The following ZNF714 variants were observed in gnomAD, a reference collection of about 807,000 sequenced individuals.
The protein encoded by ZNF714 is zinc finger protein 714.
In ZNF714, 32 loss-of-function variants were observed where a neutral mutation model predicts 46.2. The observed-to-expected ratio is 0.69, with a 90% CI of 0.52 to 0.93. ZNF714 has a LOEUF of 0.93. Ranked by LOEUF, ZNF714 falls within the 40% of genes least tolerant of loss-of-function variation. The pLI is 0.00. For synonymous variants in ZNF714, 199 were observed against 213.1 expected (o/e 0.93, Z 0.58); for missense variants, 635 against 646.3 (o/e 0.98, Z 0.19).
At chr19:21,082,968 G>T (rs1436946442) in intron 1 of ZNF714, among the ~76,000 whole-genome samples, 3 of 152,060 alleles carry the variant, frequency 2.0e-5, no homozygotes, top group African/African-American at 7.2e-5. Flanking sequence ...ATGTTAATTG[G>T]CAGTTTATAG....
intron 2 of ZNF714, 117 bp downstream of exon 2, chr19:21,084,186 G>GA (rs1353245062): frequency 7.2e-4 from 196 of 272,898 alleles, no homozygotes; most frequent in African/African-American, 1.2e-3. Flanking sequence ...GTGTTAAAAA[G>GA]AAAAAAAAAT....
chr19:21,089,716 A>G (rs541625509), intron 2 of ZNF714, among the ~76,000 whole-genome samples: 5 of 152,232 alleles, frequency 3.3e-5, no homozygotes, highest in Non-Finnish European at 5.9e-5. Context: ...TCTTAATGAC[A>G]GAACCATACA....
chr19:21,082,381 G>T, intron 1 of ZNF714, 33 bp downstream of exon 1: 2 of 1,456,306 alleles, frequency 1.4e-6, no homozygotes, highest in Non-Finnish European at 1.9e-6. Flanking sequence ...CCCGAGAGAG[G>T]GGAAGGGGCG....
chr19:21,107,269 C>T (rs183139858), intron 4 of ZNF714, among the ~76,000 whole-genome samples: 2 of 149,450 alleles, frequency 1.3e-5, no homozygotes, highest in African/African-American at 2.5e-5. Context: ...GACGGAATTT[C>T]GCTCTTGTTG....
intron 4 of ZNF714, among the ~76,000 whole-genome samples, chr19:21,115,615 T>C (rs190517852): frequency 2.9e-4 from 44 of 152,108 alleles, no homozygotes; most frequent in African/African-American, 9.9e-4. Context: ...TTGTTGACAG[T>C]TCACTGACTA....
rs746423571 is a variant in ZNF714, at chr19:21,117,363, AT to A, written c.700del (p.Cys234ValfsTer16). ...TGEKPYRCEECGKAFYHSSHL... is the reference protein window; with the variant it reads ...TGEKPYRCEEXGKAFYHSSHL... ...GAGAGAAACCCTACAGATGTGAAGA[AT>A]GTGGCAAAGCCTTCTACCATTCTTC... On this transcript the variant is annotated frameshift_variant, in exon 5 of 5. Coordinates refer to ENST00000456283, the MANE Select transcript of ZNF714 (RefSeq NM_182515.4). LOFTEE classifies it high-confidence loss of function. 3.1e-6 allele frequency: 5 copies of A among 1,613,076 alleles called. No individual in the cohort carries two copies. In the East Asian group the frequency reaches 1.1e-4, roughly 36 times the overall value.
chr19:21,085,839 C>T (rs911475424), intron 2 of ZNF714, among the ~76,000 whole-genome samples: 3 of 148,460 alleles, frequency 2.0e-5, no homozygotes, highest in African/African-American at 7.5e-5. Context: ...TGTTTTGAGG[C>T]AGTTTCTAGG....
In ZNF714 at chr19:21,117,597, AT is replaced by A; in HGVS notation, c.934del (p.Ser312LeufsTer50). On this transcript the variant is annotated frameshift_variant, in exon 5 of 5. Coordinates refer to ENST00000456283, the MANE Select transcript of ZNF714 (RefSeq NM_182515.4). LOFTEE classifies it high-confidence loss of function. The stretch of plus-strand genomic sequence containing the variant: ...ATAAGATAATTCATTCTGGAGAGAA[AT>A]CTTACAAATGTGAACAATGTGGCAA... ...KHKIIHSGEK[S>X]YKCEQCGKGF... 1.9e-6 allele frequency: 3 copies of A among 1,609,964 alleles called. No homozygotes were observed. In the South Asian group the frequency reaches 3.3e-5, roughly 18 times the overall value.
chr19:21,082,742 A>T (rs1968685860), intron 1 of ZNF714, among the ~76,000 whole-genome samples: 1 of 152,140 alleles, frequency 6.6e-6, no homozygotes, highest in Admixed American at 6.5e-5. Context: ...TATGGGAGTC[A>T]CCGTTAAAAC....
At chr19:21,101,774 A>G (rs1157949127) in intron 4 of ZNF714, among the ~76,000 whole-genome samples, 1 of 152,142 alleles carries the variant, frequency 6.6e-6, no homozygotes. Context: ...GGAGTTTGGG[A>G]TGGTTACAGA....
In ZNF714 at chr19:21,119,561, A is replaced by G. The variant is rs917299334; in HGVS notation, c.*1229A>G. 4 of 152,312 alleles carry G rather than the reference A, an allele frequency of 2.6e-5. No homozygotes were observed. The highest frequency in any genetic ancestry group is 9.7e-5 in the African/African-American group (4 of 41,448). The allele number at this position is 152,312 out of a possible 1,614,324, so 9.4% of individuals were successfully genotyped here. A position where few individuals can be genotyped will look rare whatever the true frequency, so the allele number is the denominator to read the frequency against. On this transcript the variant is annotated 3_prime_UTR_variant, in exon 5 of 5. Coordinates refer to ENST00000456283, the MANE Select transcript of ZNF714 (RefSeq NM_182515.4). ...TCTGAAGCACTTTCACACTTTGTTC[A>G]ATATCAGGGAATTTATATTGAAGAA...
chr19:21,115,042 CTATT>C (rs1969558787), intron 4 of ZNF714, among the ~76,000 whole-genome samples: 1 of 150,808 alleles, frequency 6.6e-6, no homozygotes, highest in African/African-American at 2.4e-5. Context: ...TTTTGTGTAT[CTATT>C]CAGATATATT....
intron 4 of ZNF714, among the ~76,000 whole-genome samples, chr19:21,109,405 G>A (rs1969395293): frequency 6.6e-6 from 1 of 151,872 alleles, no homozygotes; most frequent in Admixed American, 6.6e-5. Context: ...TTTTTCTGTA[G>A]ATACAATTTT....
At chr19:21,096,906 G>T (rs571682056) in intron 2 of ZNF714, among the ~76,000 whole-genome samples, 1 of 152,140 alleles carries the variant, frequency 6.6e-6, no homozygotes, top group Admixed American at 6.5e-5. Context: ...TCGCTCTGTT[G>T]CCCAGGCTAG....
At chr19:21,084,180 TAAAA>T (rs1207008242) in intron 2 of ZNF714, 111 bp downstream of exon 2, 2 of 302,934 alleles carry the variant, frequency 6.6e-6, no homozygotes, top group African/African-American at 4.8e-5. Context: ...AAAATAGTGT[TAAAA>T]AGAAAAAAAA....
chr19:21,103,451 A>G (rs1969235997), intron 4 of ZNF714, among the ~76,000 whole-genome samples: 1 of 152,002 alleles, frequency 6.6e-6, no homozygotes, highest in African/African-American at 2.4e-5. Context: ...TACACAGGAG[A>G]CTGAGGCAGG....
chr19:21,104,384 T>A (rs910545698), intron 4 of ZNF714, among the ~76,000 whole-genome samples: 7 of 152,198 alleles, frequency 4.6e-5, no homozygotes, highest in African/African-American at 7.2e-5. Context: ...CTTCATATTT[T>A]GGAAATATAT....
chr19:21,099,208 C>T (rs1051644007), intron 4 of ZNF714, among the ~76,000 whole-genome samples: 4 of 151,726 alleles, frequency 2.6e-5, no homozygotes, highest in African/African-American at 4.8e-5. Context: ...GACAGAGTTT[C>T]GCTTTGGTTG....
chr19:21,100,587 T>C (rs1969154580), intron 4 of ZNF714, among the ~76,000 whole-genome samples: 1 of 152,208 alleles, frequency 6.6e-6, no homozygotes, highest in Non-Finnish European at 1.5e-5. Flanking sequence ...CAGAAATTTA[T>C]TATTTTAATA....
Sources: allele counts gnomAD v4.1 joint callset (sites outside exome capture counted in the v4.1 genomes callset), GRCh38; gene constraint gnomAD v4.1.1; transcripts MANE v1.5; gene names NCBI Gene and HGNC (gene_info 2026-07-23, HGNC 2026-07-21).